The following OTOGL variants were observed in gnomAD, a reference collection of about 807,000 sequenced individuals.
The protein encoded by OTOGL is otogelin like.
Under a neutral mutation model 318.5 loss-of-function variants are expected in OTOGL, and 285 were observed. The ratio of observed to expected loss-of-function variants is 0.89; its 90% confidence interval spans 0.81 to 0.99. OTOGL has a LOEUF of 0.99. OTOGL is among the 50% of genes least tolerant of loss of function. OTOGL has a pLI of 0.00. For synonymous variants in OTOGL, 987 were observed against 936.5 expected (o/e 1.05, Z -0.99); for missense variants, 2,899 against 2,845.6 (o/e 1.02, Z -0.43).
chr12:80,126,639 G>T (rs747279223), intron 1 of OTOGL, among the ~76,000 whole-genome samples: 37 of 152,264 alleles, frequency 2.4e-4, no homozygotes, highest in South Asian at 8.3e-4. Flanking sequence ...TGACAGTGGG[G>T]TGTTAACATC....
At position 80,236,946 on chromosome 12, in the gene OTOGL, C is replaced by T. The variant is rs965143521; in HGVS notation, c.818-1905C>T. ...TCTCGTGCCTCAGCCTCCTGAGTAG[C>T]TGGGATTACAGGCGTGCACCACCAT... On this transcript the variant is annotated intron_variant, in intron 9 of 58. Coordinates refer to ENST00000547103, the MANE Select transcript of OTOGL (RefSeq NM_001378609.3). Among the ~76,000 whole-genome samples, 3 of 151,710 alleles carry T rather than the reference C, an allele frequency of 2.0e-5. No individual in the cohort carries two copies. The East Asian group carries it at 5.8e-4, about 30-fold the overall frequency.
intron 1 of OTOGL, among the ~76,000 whole-genome samples, chr12:80,204,788 C>G (rs1876698708): frequency 6.6e-6 from 1 of 152,094 alleles, no homozygotes; most frequent in South Asian, 2.1e-4. Context: ...ACTTGGTTTA[C>G]TTTACTTTAT....
chr12:80,193,390 C>T (rs1448511669), intron 1 of OTOGL, among the ~76,000 whole-genome samples: 2 of 151,972 alleles, frequency 1.3e-5, no homozygotes, highest in Non-Finnish European at 2.9e-5. Context: ...GTGGTGCATG[C>T]CTGTAGTCCC....
intron 27 of OTOGL, among the ~76,000 whole-genome samples, chr12:80,299,747 A>C (rs948718397): frequency 2.0e-5 from 3 of 152,150 alleles, no homozygotes; most frequent in Non-Finnish European, 4.4e-5. Context: ...TAGTTCTAAC[A>C]TATCTTGCTA....
At chr12:80,186,823 T>C (rs1030033987) in intron 1 of OTOGL, among the ~76,000 whole-genome samples, 2 of 152,074 alleles carry the variant, frequency 1.3e-5, no homozygotes, top group African/African-American at 4.8e-5. Flanking sequence ...TCAAAACCCA[T>C]GGAGTGCTGC....
chr12:80,174,623 C>T (rs1182399590), intron 1 of OTOGL, among the ~76,000 whole-genome samples: 3 of 152,102 alleles, frequency 2.0e-5, no homozygotes, highest in Non-Finnish European at 4.4e-5. Flanking sequence ...TGTGTGAGAA[C>T]ATATTGGCTA....
intron 27 of OTOGL, among the ~76,000 whole-genome samples, chr12:80,298,388 G>A (rs796292654): frequency 7.9e-5 from 12 of 152,230 alleles, no homozygotes; most frequent in African/African-American, 2.9e-4. Flanking sequence ...ACTTTGGGCA[G>A]GTTTACTTAA....
intron 1 of OTOGL, among the ~76,000 whole-genome samples, chr12:80,139,087 T>C (rs1871760145): frequency 1.3e-5 from 2 of 152,184 alleles, no homozygotes; most frequent in South Asian, 2.1e-4. Flanking sequence ...ACTCGAATTA[T>C]GCAGTTAAGA....
intron 57 of OTOGL, among the ~76,000 whole-genome samples, chr12:80,374,272 T>C (rs2138112309): frequency 6.6e-6 from 1 of 152,258 alleles, no homozygotes; most frequent in East Asian, 1.9e-4. Context: ...TTTCCACTTT[T>C]TACATGAACA....
chr12:80,352,276 A>G lies in OTOGL; in HGVS notation c.5266-19A>G. ...AAATAAAACAATATAACTTATTTCA[A>G]GGCAAAATGTTTCTCTAGGTTTCAC... On this transcript the variant is annotated intron_variant, in intron 44 of 58. Transcript: ENST00000547103. 1.9e-6 allele frequency: 3 copies of G among 1,597,126 alleles called. No homozygotes were observed. Among genetic ancestry groups the G allele is most frequent in the Non-Finnish European group, 2.6e-6 (3 of 1,173,150 alleles).
At chr12:80,123,319 T>C (rs1870601907) in intron 1 of OTOGL, among the ~76,000 whole-genome samples, 1 of 152,168 alleles carries the variant, frequency 6.6e-6, no homozygotes, top group Non-Finnish European at 1.5e-5. Context: ...TTGCTGAGAA[T>C]GATGGTTTCC....
intron 34 of OTOGL, 119 bp from the exon 35 acceptor site, chr12:80,323,604 G>A (rs1887486315): frequency 1.4e-6 from 1 of 736,376 alleles, no homozygotes; most frequent in African/African-American, 1.8e-5. Context: ...AATCGAAATA[G>A]TGCCACTGCG....
chr12:80,333,083 G>T lies in OTOGL; in HGVS notation c.4422+5G>T. The T allele has an allele frequency of 6.3e-7, 1 of 1,581,316 alleles. No individual in the cohort carries two copies. Among genetic ancestry groups the T allele is most frequent in the South Asian group, 1.1e-5 (1 of 87,318 alleles). On this transcript the variant is annotated splice_donor_5th_base_variant and intron_variant, in intron 38 of 58. Transcript: ENST00000547103. ...ACTACAGGCTTGGAATGTGAGGTAT[G>T]ACTGAGCAATATCTTCCAGCTCTTT...
At chr12:80,121,514 A>G (rs1242688223) in intron 1 of OTOGL, among the ~76,000 whole-genome samples, 1 of 152,152 alleles carries the variant, frequency 6.6e-6, no homozygotes, top group Non-Finnish European at 1.5e-5. Context: ...TAGAGCAGAG[A>G]GTCTATATAA....
chr12:80,212,194 G>T (rs1375709155), intron 4 of OTOGL, among the ~76,000 whole-genome samples, 197 bp downstream of exon 4: 2 of 152,082 alleles, frequency 1.3e-5, no homozygotes, highest in Non-Finnish European at 2.9e-5. Flanking sequence ...ACATCGACTT[G>T]TTTGGAATAA....
intron 29 of OTOGL, among the ~76,000 whole-genome samples, chr12:80,309,255 A>T (rs1886467734): frequency 6.6e-6 from 1 of 152,202 alleles, no homozygotes; most frequent in Non-Finnish European, 1.5e-5. Context: ...TTCGAGGTGG[A>T]AAAATTAACA....
chr12:80,173,479 A>G (rs888353801), intron 1 of OTOGL, among the ~76,000 whole-genome samples: 3 of 152,096 alleles, frequency 2.0e-5, no homozygotes, highest in African/African-American at 7.2e-5. Flanking sequence ...GCTTATATTA[A>G]TAATTAGCTT....
chr12:80,195,939 T>C (rs531712209), intron 1 of OTOGL, among the ~76,000 whole-genome samples: 1 of 152,360 alleles, frequency 6.6e-6, no homozygotes, highest in African/African-American at 2.4e-5. Flanking sequence ...GGGATTTTCT[T>C]GAGAACTGTG....
chr12:80,339,022 A>C, intron 42 of OTOGL, 53 bp from the exon 43 acceptor site: 1 of 1,356,276 alleles, frequency 7.4e-7, no homozygotes, highest in African/African-American at 1.5e-5. Context: ...GTATTCTCCT[A>C]ATTTGTATAT....
Sources: allele counts gnomAD v4.1 joint callset (sites outside exome capture counted in the v4.1 genomes callset), GRCh38; gene constraint gnomAD v4.1.1; transcripts MANE v1.5; gene names NCBI Gene and HGNC (gene_info 2026-07-23, HGNC 2026-07-21).